ARPP21: variants seen among roughly 807,000 people sequenced by gnomAD.
The protein encoded by ARPP21 is cAMP-regulated phosphoprotein 21.
A neutral mutation model predicts 113.2 loss-of-function variants in ARPP21; 69 were observed. The ratio of observed to expected loss-of-function variants is 0.61; its 90% confidence interval spans 0.50 to 0.74. The LOEUF (loss-of-function observed/expected upper bound fraction) is 0.74. Among genes scored for constraint, ARPP21 ranks in the 30% least tolerant of loss-of-function variants. The pLI is 0.00. For missense variants in ARPP21, 1,070 were observed against 1,037.4 expected, an observed-to-expected ratio of 1.03 and a Z score of -0.43; for synonymous variants, 368 against 375.5, an observed-to-expected ratio of 0.98 and a Z score of 0.23.
intron 19 of ARPP21, among the ~76,000 whole-genome samples, chr3:35,779,777 A>G (rs774503358): frequency 6.6e-6 from 1 of 152,186 alleles, no homozygotes. Context: ...TGTTTTCCAA[A>G]TGCCTTGCCA....
At chr3:35,785,686 A>G (rs2096617659) in intron 19 of ARPP21, among the ~76,000 whole-genome samples, 1 of 152,182 alleles carries the variant, frequency 6.6e-6, no homozygotes, top group South Asian at 2.1e-4. Flanking sequence ...GGGACAGTAA[A>G]GAGGCTTTTA....
At chr3:35,786,541 A>C (rs556804937) in intron 19 of ARPP21, among the ~76,000 whole-genome samples, 1 of 152,088 alleles carries the variant, frequency 6.6e-6, no homozygotes, top group East Asian at 1.9e-4. Flanking sequence ...AAAAAAAAAA[A>C]AGTTCTACTT....
At chr3:35,683,496 A>ATT (rs3215211) in intron 4 of ARPP21, among the ~76,000 whole-genome samples, 1 of 151,524 alleles carries the variant, frequency 6.6e-6, no homozygotes, top group Non-Finnish European at 1.5e-5. Flanking sequence ...TACTAAAAGT[A>ATT]TTTTTTTTAA....
chr3:35,752,534 A>T (rs1048345663), intron 19 of ARPP21, among the ~76,000 whole-genome samples: 1 of 152,114 alleles, frequency 6.6e-6, no homozygotes, highest in African/African-American at 2.4e-5. Flanking sequence ...GAAGATTCGT[A>T]AAAACATCTT....
intron 19 of ARPP21, among the ~76,000 whole-genome samples, chr3:35,757,619 A>G (rs886253172): frequency 2.6e-5 from 4 of 152,128 alleles, no homozygotes; most frequent in Non-Finnish European, 2.9e-5. Flanking sequence ...TTTTATATGT[A>G]GAATATTTTA....
intron 9 of ARPP21, among the ~76,000 whole-genome samples, chr3:35,703,033 T>C (rs921867560): frequency 3.8e-4 from 57 of 151,850 alleles, no homozygotes; most frequent in African/African-American, 1.3e-3. Context: ...TACATATTGG[T>C]AACCACCTTT....
intron 1 of ARPP21, among the ~76,000 whole-genome samples, chr3:35,645,504 T>C (rs1329916193): frequency 6.6e-6 from 1 of 151,904 alleles, no homozygotes; most frequent in African/African-American, 2.4e-5. Context: ...TATATGATCT[T>C]TTTTTCTGCA....
rs977277004 is a variant in ARPP21, at chr3:35,739,646, T to G, written c.2010+69T>G. ...ATGCATTTTGACCTTTATCTTTCTA[T>G]GTAGAAAATAACCAGATTCACTCCC... is the stretch of plus-strand genomic sequence containing the variant. On this transcript the variant is annotated intron_variant, in intron 18 of 20. Transcript: ENST00000684406. The G allele has an allele frequency of 3.3e-6, 5 of 1,513,462 alleles. No homozygotes were observed. The African/African-American group carries it at 5.6e-5, about 17-fold the overall frequency. 93.8% of individuals were successfully genotyped at this position (1,513,462 alleles called of 1,614,324 possible). A position where few individuals can be genotyped will look rare whatever the true frequency, so the allele number is the denominator to read the frequency against.
In ARPP21 at chr3:35,646,577, C is replaced by T. The variant is rs550098616; in HGVS notation, c.-213+6179C>T. On this transcript the variant is annotated intron_variant, in intron 1 of 20. Transcript: ENST00000684406. ...GAAGCTTTTGGTTAAAAATATGGAACTTTATTTTCTTTGTTTAAAGAAAGA... is the reference window on the plus strand; with the variant it reads ...GAAGCTTTTGGTTAAAAATATGGAATTTTATTTTCTTTGTTTAAAGAAAGA... Among the ~76,000 whole-genome samples, 165 of 152,082 alleles carry T rather than the reference C, an allele frequency of 1.1e-3. 1 individual carries two copies. The highest frequency in any genetic ancestry group is 3.7e-3 in the African/African-American group (154 of 41,524).
intron 5 of ARPP21, chr3:35,685,294 C>G (rs928517218): frequency 2.5e-5 from 25 of 985,082 alleles, no homozygotes; most frequent in Admixed American, 2.5e-4. Context: ...GTGCTTTGTT[C>G]CTGCTGGTTC....
chr3:35,645,100 A>G (rs1445666811), intron 1 of ARPP21, among the ~76,000 whole-genome samples: 1 of 151,910 alleles, frequency 6.6e-6, no homozygotes, highest in Non-Finnish European at 1.5e-5. Flanking sequence ...TAAAAGTAAT[A>G]TACATTATAA....
chr3:35,664,723 G>T (rs901154864), intron 1 of ARPP21, among the ~76,000 whole-genome samples: 22 of 152,132 alleles, frequency 1.4e-4, no homozygotes, highest in African/African-American at 4.8e-4. Context: ...TGAGGTGGGG[G>T]CTCAGCTGTT....
At chr3:35,648,040 T>A (rs749424510) in intron 1 of ARPP21, among the ~76,000 whole-genome samples, 1 of 152,174 alleles carries the variant, frequency 6.6e-6, no homozygotes, top group Non-Finnish European at 1.5e-5. Flanking sequence ...AATATTTTGG[T>A]AATTTGGAAT....
chr3:35,708,876 T>C, intron 10 of ARPP21, 93 bp from the exon 11 acceptor site: 1 of 817,460 alleles, frequency 1.2e-6, no homozygotes, highest in South Asian at 1.7e-5. Flanking sequence ...TTTGTTTAAG[T>C]GAACATTTAT....
chr3:35,691,813 A>G (rs981660137), intron 9 of ARPP21, among the ~76,000 whole-genome samples: 1 of 151,612 alleles, frequency 6.6e-6, no homozygotes, highest in Non-Finnish European at 1.5e-5. Context: ...CTGCCCACAT[A>G]AAGCATCCAT....
chr3:35,682,010 C>A, intron 3 of ARPP21, 130 bp downstream of exon 3: 1 of 1,124,608 alleles, frequency 8.9e-7, no homozygotes, highest in African/African-American at 1.6e-5. Flanking sequence ...ATGCTAGTCT[C>A]CTACTTTTTC....
intron 1 of ARPP21, among the ~76,000 whole-genome samples, chr3:35,670,063 G>A (rs1270978008): frequency 6.6e-6 from 1 of 152,098 alleles, no homozygotes; most frequent in African/African-American, 2.4e-5. Flanking sequence ...TTGAGAATCT[G>A]CTTTTTCCTC....
chr3:35,753,114 C>A (rs2095458631), intron 19 of ARPP21, among the ~76,000 whole-genome samples: 1 of 149,820 alleles, frequency 6.7e-6, no homozygotes, highest in Non-Finnish European at 1.5e-5. Context: ...TCATTTTAGC[C>A]AGATCTCTTG....
At chr3:35,680,947 A>C (rs1014386616) in intron 2 of ARPP21, 1 of 151,860 alleles carries the variant, frequency 6.6e-6, no homozygotes, top group African/African-American at 2.4e-5. Context: ...AACAGATTTT[A>C]ACTCTGAAAA....
Sources: gnomAD v4.1 joint callset for allele counts (sites outside exome capture counted in the v4.1 genomes callset) on GRCh38, gnomAD v4.1.1 for gene constraint, MANE v1.5 for transcripts, NCBI Gene and HGNC (gene_info 2026-07-23, HGNC 2026-07-21) for gene names.